LLGL2: variants seen among roughly 807,000 people sequenced by gnomAD.
LLGL2 encodes LLGL scribble cell polarity complex component 2, also known as LLGL2, scribble cell polarity complex component.
In LLGL2, 81 loss-of-function variants were observed where a neutral mutation model predicts 123.2. The observed-to-expected ratio is 0.66, with a 90% CI of 0.55 to 0.79. LLGL2 has a LOEUF of 0.79. Ranked by LOEUF, LLGL2 falls within the 30% of genes least tolerant of loss-of-function variation. The pLI, the probability that LLGL2 is intolerant of heterozygous loss-of-function variation, is 0.00. For missense variants in LLGL2, 1,273 were observed against 1,414.6 expected, an observed-to-expected ratio of 0.90 and a Z score of 1.61; for synonymous variants, 577 against 594.1, an observed-to-expected ratio of 0.97 and a Z score of 0.42.
In LLGL2 at chr17:75,559,091, C is replaced by G; in HGVS notation, c.372-161C>G. ...AGCCCAGGCTCTCTGCCATCTGTCTCCTGTCTTGGCAGAAAGTGACCAATG... is the reference window on the plus strand; with the variant it reads ...AGCCCAGGCTCTCTGCCATCTGTCTGCTGTCTTGGCAGAAAGTGACCAATG... On this transcript the variant is annotated intron_variant, in intron 5 of 25. Coordinates refer to ENST00000392550, the MANE Select transcript of LLGL2 (RefSeq NM_001031803.2). The surrounding 1 kb of genome is among the most constrained non-coding windows in gnomAD (Gnocchi z 4.6). 2.6e-6 allele frequency: 2 copies of G among 771,704 alleles called. No individual in the cohort carries two copies. Among genetic ancestry groups the G allele is most frequent in the East Asian group, 5.5e-5 (2 of 36,432 alleles). 47.8% of individuals were successfully genotyped at this position (771,704 alleles called of 1,614,324 possible).
Position 75,559,059 on chromosome 17 carries a change from GC to G in LLGL2, c.372-191del, listed in dbSNP as rs2055077465. The G allele has an allele frequency of 1.5e-6, 1 of 651,144 alleles. No homozygotes were observed. The highest frequency in any genetic ancestry group is 3.1e-5 in the Admixed American group (1 of 32,636). 40.3% of individuals were successfully genotyped at this position (651,144 alleles called of 1,614,324 possible). A position where few individuals can be genotyped will look rare whatever the true frequency, so the allele number is the denominator to read the frequency against. On this transcript the variant is annotated intron_variant, in intron 5 of 25. Transcript: ENST00000392550. The surrounding 1 kb of genome is among the most constrained non-coding windows in gnomAD (Gnocchi z 4.6). Reference sequence around the variant, plus strand: ...CTGGAGGGTCCCTGGCGTCTTTCCTGCCTCCTAGCCCAGGCTCTCTGCCATC... The same window carrying G: ...CTGGAGGGTCCCTGGCGTCTTTCCTGCTCCTAGCCCAGGCTCTCTGCCATC...
intron 1 of LLGL2, among the ~76,000 whole-genome samples, chr17:75,531,351 G>C (rs2053779932): frequency 6.6e-6 from 1 of 152,178 alleles, no homozygotes; most frequent in South Asian, 2.1e-4. Context: ...GTTTCCCCGG[G>C]GAGCTATTCG....
At chr17:75,537,872 A>G (rs1030648184) in intron 1 of LLGL2, among the ~76,000 whole-genome samples, 1 of 147,344 alleles carries the variant, frequency 6.8e-6, no homozygotes, top group African/African-American at 2.5e-5. Context: ...ACAGTGGCAC[A>G]ATCTCGATTC....
At chr17:75,526,150 G>T (rs548269955) in intron 1 of LLGL2, among the ~76,000 whole-genome samples, 1 of 152,220 alleles carries the variant, frequency 6.6e-6, no homozygotes, top group African/African-American at 2.4e-5. Context: ...GGGCAGAGAC[G>T]GAGTCCCCGG....
chr17:75,565,952 AGAGT>A, intron 10 of LLGL2, among the ~76,000 whole-genome samples: 1 of 152,358 alleles, frequency 6.6e-6, no homozygotes, highest in Middle Eastern at 3.4e-3. Context: ...GTATGTGGAC[AGAGT>A]GAGTAGGTTG....
chr17:75,573,680 C>T (rs777985781), intron 21 of LLGL2, 49 bp downstream of exon 21: 6 of 1,492,344 alleles, frequency 4.0e-6, no homozygotes, highest in Non-Finnish European at 5.4e-6. Flanking sequence ...CCCCTCCCTG[C>T]CCTCTCTGAG....
intron 1 of LLGL2, among the ~76,000 whole-genome samples, chr17:75,542,451 C>A (rs542986071): frequency 6.6e-6 from 1 of 152,242 alleles, no homozygotes; most frequent in African/African-American, 2.4e-5. Flanking sequence ...CAAGGACGGG[C>A]CTTGCTGTCC....
intron 23 of LLGL2, 43 bp downstream of exon 23, chr17:75,574,303 G>GGGGC: frequency 3.9e-6 from 2 of 513,420 alleles, no homozygotes; most frequent in Non-Finnish European, 7.0e-6. Context: ...GAGGGGTGGG[G>GGGGC]AAGGGGGGTC....
intron 1 of LLGL2, among the ~76,000 whole-genome samples, chr17:75,526,274 C>T (rs771933197): frequency 2.2e-4 from 34 of 152,242 alleles, no homozygotes; most frequent in Admixed American, 1.0e-3. Flanking sequence ...CTGCCCCTGC[C>T]ATCTGGGCTG....
Position 75,575,140 on chromosome 17 carries a change from G to A in LLGL2, c.*262G>A. On this transcript the variant is annotated 3_prime_UTR_variant, in exon 26 of 26. Coordinates refer to ENST00000392550, the MANE Select transcript of LLGL2 (RefSeq NM_001031803.2). ...CTCCCATCCCTTTTTGTAGTGGGCTGGGTTTTAAGTTATAAATGTTAACTG... is the reference window on the plus strand; with the variant it reads ...CTCCCATCCCTTTTTGTAGTGGGCTAGGTTTTAAGTTATAAATGTTAACTG... 1 of 582,926 alleles carries A rather than the reference G, an allele frequency of 1.7e-6. No individual in the cohort carries two copies. The highest frequency in any genetic ancestry group is 3.1e-6 in the Non-Finnish European group (1 of 326,546). The allele number at this position is 582,926 out of a possible 1,614,324, so 36.1% of individuals were successfully genotyped here.
intron 1 of LLGL2, chr17:75,542,595 A>G (rs11652563): frequency 0.39 from 59,348 of 152,166 alleles, 11,776 homozygotes; most frequent in South Asian, 0.61. Flanking sequence ...CGGAGAGTTT[A>G]GGGGCCTTGA....
chr17:75,575,042 C>T lies in LLGL2; in HGVS notation c.*164C>T. The stretch of plus-strand genomic sequence containing the variant: ...TCTGGGCCTCGGGAGAGGAGAGACC[C>T]CAGTCCCCTGGGCTGCCCTTCCCGG... On this transcript the variant is annotated 3_prime_UTR_variant, in exon 26 of 26. Coordinates refer to ENST00000392550, the MANE Select transcript of LLGL2 (RefSeq NM_001031803.2). 1.0e-6 allele frequency: 1 copy of T among 963,802 alleles called. No individual in the cohort carries two copies. Among genetic ancestry groups the T allele is most frequent in the Admixed American group, 1.8e-5 (1 of 56,392 alleles). 59.7% of individuals were successfully genotyped at this position (963,802 alleles called of 1,614,324 possible).
intron 18 of LLGL2, 37 bp from the exon 19 acceptor site, chr17:75,571,861 C>G (rs2055726190): frequency 1.2e-6 from 2 of 1,607,736 alleles, no homozygotes; most frequent in Admixed American, 1.7e-5. Context: ...GCCCTGCCAC[C>G]CCCTCACCAG....
chr17:75,550,189 G>A (rs969301290), intron 2 of LLGL2, among the ~76,000 whole-genome samples: 1 of 152,226 alleles, frequency 6.6e-6, no homozygotes, highest in Non-Finnish European at 1.5e-5. Flanking sequence ...ACCACCCAGG[G>A]GCTATGCCCC....
chr17:75,556,797 G>A (rs568349302), intron 3 of LLGL2, among the ~76,000 whole-genome samples: 3 of 152,278 alleles, frequency 2.0e-5, no homozygotes, highest in South Asian at 2.1e-4. Context: ...AGGCTGAGGC[G>A]GGCAGATCAC....
In LLGL2 at chr17:75,544,488, C is replaced by G. The variant is rs541349743; in HGVS notation, c.75+987C>G. Among the ~76,000 whole-genome samples, 70 of 152,360 alleles carry G rather than the reference C, an allele frequency of 4.6e-4. No individual in the cohort carries two copies. Among genetic ancestry groups the G allele is most frequent in the African/African-American group, 1.5e-3 (61 of 41,580 alleles). ...TGTATTTTTGTTATTGATTTGAGAA[C>G]TGTAGAAGTCAGCTTGCCCAGGTGC... On this transcript the variant is annotated intron_variant, in intron 2 of 25. Transcript: ENST00000392550. The surrounding 1 kb of genome is among the most constrained non-coding windows in gnomAD (Gnocchi z 4.2).
intron 19 of LLGL2, among the ~76,000 whole-genome samples, chr17:75,572,270 G>C (rs2055751172): frequency 6.6e-6 from 1 of 152,138 alleles, no homozygotes; most frequent in Admixed American, 6.5e-5. Context: ...ACTCATGCCT[G>C]TAATGCCAGC....
chr17:75,555,290 CTT>C lies in LLGL2; in HGVS notation c.76-740_76-739del, dbSNP rs79727188. Among the ~76,000 whole-genome samples the C allele has an allele frequency of 3.1e-3, 424 of 136,310 alleles. 2 individuals carry two copies. Among genetic ancestry groups the C allele is most frequent in the Admixed American group, 7.4e-3 (102 of 13,848 alleles). The allele number at this position is 136,310 out of a possible 152,430, so 89.4% of individuals were successfully genotyped here. ...TGTGGGAGTTTGGGTAATTTTTGTT[CTT>C]TTTTTTTTTTTTTTTGAGACGGAGT... On this transcript the variant is annotated intron_variant, in intron 2 of 25. Transcript: ENST00000392550.
Position 75,563,771 on chromosome 17 carries a change from G to C in LLGL2, c.846G>C (p.Ala282=). 6.2e-7 allele frequency: 1 copy of C among 1,614,044 alleles called. No individual in the cohort carries two copies. The highest frequency in any genetic ancestry group is 8.5e-7 in the Non-Finnish European group (1 of 1,180,032). ...TTTCAGGTCCCTTTCCTTGCAAAGC[G>C]ATTACCAGAATCCTCTGGCTGACCA... ...LVPYGPFPCK[A]ITRILWLTTR... is the part of the protein sequence containing the mutation. The change falls in exon 9 of 26, where the codon GCG becomes GCC. Residue 282 remains alanine (A), a synonymous_variant. Transcript: ENST00000392550.
Sources: allele counts gnomAD v4.1 joint callset (sites outside exome capture counted in the v4.1 genomes callset), GRCh38; gene constraint gnomAD v4.1.1; non-coding constraint Gnocchi (gnomAD v3.1); transcripts MANE v1.5; gene names NCBI Gene and HGNC (gene_info 2026-07-23, HGNC 2026-07-21).